Variants in SLC35F1 observed in about 807,000 individuals in gnomAD.
SLC35F1 encodes the protein solute carrier family 35 member F1.
A neutral mutation model predicts 48.7 loss-of-function variants in SLC35F1; 14 were observed. That is an observed-to-expected ratio of 0.29 (90% CI 0.19 to 0.45). The LOEUF is 0.45. Ranked by LOEUF, SLC35F1 falls within the 20% of genes least tolerant of loss-of-function variation. The pLI, the probability that SLC35F1 is intolerant of heterozygous loss-of-function variation, is 1.00. For missense variants in SLC35F1, 404 were observed against 500.0 expected (o/e 0.81, Z 1.83); for synonymous variants, 190 against 202.2 (o/e 0.94, Z 0.51).
intron 3 of SLC35F1, among the ~76,000 whole-genome samples, chr6:118,250,594 C>G (rs1775560434): frequency 6.6e-6 from 1 of 152,202 alleles, no homozygotes; most frequent in Non-Finnish European, 1.5e-5. Context: ...GAGAGGGCTT[C>G]CTGGAGGAAG....
At chr6:118,147,621 T>A (rs1773994658) in intron 1 of SLC35F1, among the ~76,000 whole-genome samples, 1 of 152,164 alleles carries the variant, frequency 6.6e-6, no homozygotes, top group Non-Finnish European at 1.5e-5. Context: ...GTGGAACTCA[T>A]GGAGCCAGGG....
At chr6:118,229,030 A>G (rs1383999783) in intron 2 of SLC35F1, among the ~76,000 whole-genome samples, 2 of 151,588 alleles carry the variant, frequency 1.3e-5, no homozygotes, top group East Asian at 3.9e-4. Context: ...GGGGTGAACA[A>G]GAATACTATG....
chr6:118,300,787 C>T (rs1776246533), intron 7 of SLC35F1, among the ~76,000 whole-genome samples: 2 of 152,164 alleles, frequency 1.3e-5, no homozygotes, highest in South Asian at 4.1e-4. Context: ...GTTTCCTTCT[C>T]ATTTGAATTA....
intron 1 of SLC35F1, among the ~76,000 whole-genome samples, chr6:117,966,529 A>G (rs1354236132): frequency 6.6e-6 from 1 of 152,184 alleles, no homozygotes; most frequent in African/African-American, 2.4e-5. Flanking sequence ...CAGCGAGACC[A>G]CGAACCCACC....
chr6:118,112,069 T>TC lies in SLC35F1; in HGVS notation c.174-42376_174-42375insC, dbSNP rs1491034013. Among the ~76,000 whole-genome samples the TC allele has an allele frequency of 3.9e-3, 555 of 141,672 alleles. 7 individuals carry two copies. Among genetic ancestry groups the TC allele is most frequent in the African/African-American group, 0.015 (483 of 32,632 alleles). 92.9% of individuals were successfully genotyped at this position (141,672 alleles called of 152,430 possible). A position where few individuals can be genotyped will look rare whatever the true frequency, so the allele number is the denominator to read the frequency against. On this transcript the variant is annotated intron_variant, in intron 1 of 7. Transcript: ENST00000360388. ...ACAAAGGCCTTTCTTTCTTTCTTTCTTTTTCTTTATTTCTTTCTTTTCTTT... is the reference window on the plus strand; with the variant it reads ...ACAAAGGCCTTTCTTTCTTTCTTTCTCTTTTCTTTATTTCTTTCTTTTCTTT...
intron 1 of SLC35F1, among the ~76,000 whole-genome samples, chr6:117,914,641 C>T (rs1464021771): frequency 2.6e-5 from 4 of 152,106 alleles, no homozygotes; most frequent in African/African-American, 9.7e-5. Context: ...TGTTATTACC[C>T]TTTGAATATA....
At chr6:117,960,665 G>A (rs753665026) in intron 1 of SLC35F1, among the ~76,000 whole-genome samples, 52 of 152,144 alleles carry the variant, frequency 3.4e-4, no homozygotes, top group Non-Finnish European at 7.4e-4. Context: ...AGTGGGTACA[G>A]TATGAATGAA....
At chr6:117,966,138 C>CCA (rs1554219373) in intron 1 of SLC35F1, among the ~76,000 whole-genome samples, 1 of 142,592 alleles carries the variant, frequency 7.0e-6, no homozygotes, top group Non-Finnish European at 1.6e-5. Flanking sequence ...ACCGCCCCCC[C>CCA]CCCCACTCCC....
At chr6:118,047,514 G>T (rs1214000204) in intron 1 of SLC35F1, among the ~76,000 whole-genome samples, 2 of 152,114 alleles carry the variant, frequency 1.3e-5, no homozygotes, top group Non-Finnish European at 2.9e-5. Flanking sequence ...CAGTAATGTT[G>T]GTTGAGCAAA....
chr6:118,263,748 A>G (rs1043700874), intron 3 of SLC35F1, among the ~76,000 whole-genome samples: 1 of 152,148 alleles, frequency 6.6e-6, no homozygotes, highest in Non-Finnish European at 1.5e-5. Context: ...TACTTCTCTA[A>G]CAACCACTTA....
At chr6:118,139,244 C>G (rs1050528472) in intron 1 of SLC35F1, among the ~76,000 whole-genome samples, 1 of 152,124 alleles carries the variant, frequency 6.6e-6, no homozygotes, top group Non-Finnish European at 1.5e-5. Context: ...TCCCGAGTAG[C>G]TGGGACTACA....
intron 1 of SLC35F1, among the ~76,000 whole-genome samples, chr6:118,068,412 G>A (rs78038576): frequency 0.015 from 2,213 of 152,264 alleles, 62 homozygotes; most frequent in African/African-American, 0.05. Flanking sequence ...TTGTGTCAGG[G>A]AAAGTAGAGG....
chr6:118,067,683 G>A (rs1772636717), intron 1 of SLC35F1, among the ~76,000 whole-genome samples: 1 of 152,198 alleles, frequency 6.6e-6, no homozygotes, highest in Non-Finnish European at 1.5e-5. Flanking sequence ...GTGATTTCAA[G>A]AGCAGGTGCA....
At position 118,013,665 on chromosome 6, in the gene SLC35F1, C is replaced by T. The variant is rs149333516; in HGVS notation, c.173+105766C>T. On this transcript the variant is annotated intron_variant, in intron 1 of 7. Coordinates refer to ENST00000360388, the MANE Select transcript of SLC35F1 (RefSeq NM_001029858.4). ...TTGAAATGGGAAAACCTGAAGCAAT[C>T]GGTTTTTGATTCATGTGATGTCTTA... is the stretch of plus-strand genomic sequence containing the variant. 5.3e-3 allele frequency among the ~76,000 whole-genome samples: 806 copies of T among 152,212 alleles called. 5 individuals carry two copies. Among genetic ancestry groups the T allele is most frequent in the African/African-American group, 0.018 (758 of 41,534 alleles).
chr6:118,316,188 C>T lies in SLC35F1; in HGVS notation c.*1936C>T, dbSNP rs1232424333. On this transcript the variant is annotated 3_prime_UTR_variant, in exon 8 of 8. Transcript: ENST00000360388. Reference sequence around the variant, plus strand: ...GTCAGCACCCACATGGCCTTTTTGCCTGCCTTCTATAACGGGTAAGTGGAC... The same window carrying T: ...GTCAGCACCCACATGGCCTTTTTGCTTGCCTTCTATAACGGGTAAGTGGAC... The T allele has an allele frequency of 6.6e-6, 1 of 152,168 alleles. No homozygotes were observed. Among genetic ancestry groups the T allele is most frequent in the Non-Finnish European group, 1.5e-5 (1 of 68,038 alleles). The allele number at this position is 152,168 out of a possible 1,614,324, so 9.4% of individuals were successfully genotyped here.
At chr6:118,247,733 A>G (rs1399641181) in intron 3 of SLC35F1, among the ~76,000 whole-genome samples, 1 of 147,682 alleles carries the variant, frequency 6.8e-6, no homozygotes, top group Non-Finnish European at 1.5e-5. Context: ...CTTAGAACCA[A>G]TGGACAAATT....
At chr6:118,275,758 C>A in intron 5 of SLC35F1, 143 bp downstream of exon 5, 1 of 601,310 alleles carries the variant, frequency 1.7e-6, no homozygotes, top group Non-Finnish European at 2.7e-6. Flanking sequence ...TCTGCCAACT[C>A]AATATCTTTA....
At chr6:117,986,824 G>A (rs1776854082) in intron 1 of SLC35F1, among the ~76,000 whole-genome samples, 2 of 152,138 alleles carry the variant, frequency 1.3e-5, no homozygotes, top group African/African-American at 4.8e-5. Context: ...TTTTGCTCTC[G>A]ACATCACTGG....
At chr6:118,134,196 A>G (rs1773759149) in intron 1 of SLC35F1, among the ~76,000 whole-genome samples, 1 of 152,232 alleles carries the variant, frequency 6.6e-6, no homozygotes, top group Admixed American at 6.5e-5. Flanking sequence ...TACTGTGTCT[A>G]AAGATGAACT....
Sources: gnomAD v4.1 joint callset for allele counts (sites outside exome capture counted in the v4.1 genomes callset) on GRCh38, gnomAD v4.1.1 for gene constraint, MANE v1.5 for transcripts, NCBI Gene and HGNC (gene_info 2026-07-23, HGNC 2026-07-21) for gene names.